FAM186A: variants seen among roughly 807,000 people sequenced by gnomAD.
FAM186A encodes protein FAM186A.
FAM186A carries 163 observed loss-of-function variants against 216.8 expected under a neutral mutation model. The observed-to-expected ratio is 0.75, with a 90% confidence interval of 0.66 to 0.86. The LOEUF is 0.86. Among genes scored for constraint, FAM186A ranks in the 40% least tolerant of loss-of-function variants. FAM186A has a pLI of 0.00. For synonymous variants in FAM186A, 805 were observed against 1,025.3 expected (o/e 0.79, Z 4.10); for missense variants, 2,184 against 2,746.2 (o/e 0.80, Z 4.58).
chr12:50,392,661 C>T lies in FAM186A; in HGVS notation c.192+3632G>A, dbSNP rs566367385. On this transcript the variant is annotated intron_variant, in intron 1 of 7. Transcript: ENST00000327337. ...ATTCCCAGGCTGGAGTGCAATGGCG[C>T]TGTCTTGACTCACTGCAACCTCCGC... is the stretch of plus-strand genomic sequence containing the variant. The T allele has an allele frequency of 8.2e-3, 1,241 of 150,464 alleles. 7 individuals carry two copies. The highest frequency in any genetic ancestry group is 0.012 in the Non-Finnish European group (813 of 67,894). 9.3% of individuals were successfully genotyped at this position (150,464 alleles called of 1,614,324 possible). A position where few individuals can be genotyped will look rare whatever the true frequency, so the allele number is the denominator to read the frequency against.
intron 1 of FAM186A, among the ~76,000 whole-genome samples, chr12:50,364,776 G>A (rs1053479177): frequency 5.9e-5 from 9 of 151,458 alleles, no homozygotes; most frequent in Non-Finnish European, 1.0e-4. Context: ...GGTGGCTCAT[G>A]CCTGTAATCC....
intron 1 of FAM186A, among the ~76,000 whole-genome samples, chr12:50,381,385 A>G (rs1183490977): frequency 6.6e-6 from 1 of 152,070 alleles, no homozygotes; most frequent in Non-Finnish European, 1.5e-5. Flanking sequence ...GAGTGACAGA[A>G]CAGCTCAGAG....
At chr12:50,327,476 C>T (rs188494306) in intron 7 of FAM186A, 72 bp from the exon 8 acceptor site, 2 of 1,159,282 alleles carry the variant, frequency 1.7e-6, no homozygotes, top group Admixed American at 5.2e-5. Flanking sequence ...ATAGGTGAGT[C>T]ATAGGGAAAA....
intron 1 of FAM186A, among the ~76,000 whole-genome samples, chr12:50,389,586 C>G (rs775956945): frequency 6.6e-6 from 1 of 152,134 alleles, no homozygotes; most frequent in African/African-American, 2.4e-5. Context: ...GATAGAAGAC[C>G]GAAGCTGTAT....
chr12:50,385,888 C>T (rs1238522734), intron 1 of FAM186A, among the ~76,000 whole-genome samples: 1 of 148,746 alleles, frequency 6.7e-6, no homozygotes, highest in Non-Finnish European at 1.5e-5. Flanking sequence ...GGCAACAGAG[C>T]GAGACTCCAT....
At position 50,327,384 on chromosome 12, in the gene FAM186A, C is replaced by A; in HGVS notation, c.7055G>T (p.Ter2352LeuextTer2). The A allele has an allele frequency of 6.5e-7, 1 of 1,546,716 alleles. No homozygotes were observed. The highest frequency in any genetic ancestry group is 1.2e-5 in the South Asian group (1 of 83,584). ...LQSRVKKIPK[*>L] is the part of the protein sequence containing the mutation. Reference sequence around the variant, plus strand: ...ACATGCTTGTATTTAATTTTACAGTCATTTGGGAATCTTCTTAACCCTGGA... The same window carrying A: ...ACATGCTTGTATTTAATTTTACAGTAATTTGGGAATCTTCTTAACCCTGGA... The change falls in exon 8 of 8, where the codon TGA becomes TTA. Residue 2352 changes from the stop codon to leucine, a stop_lost. Coordinates refer to ENST00000327337, the MANE Select transcript of FAM186A (RefSeq NM_001145475.3).
chr12:50,380,759 G>C (rs536562690), intron 1 of FAM186A, among the ~76,000 whole-genome samples: 1 of 151,828 alleles, frequency 6.6e-6, no homozygotes, highest in Admixed American at 6.6e-5. Context: ...AGAAACCCCT[G>C]TGGCCAACTT....
chr12:50,330,185 T>C (rs1942642813), intron 7 of FAM186A, among the ~76,000 whole-genome samples: 1 of 152,220 alleles, frequency 6.6e-6, no homozygotes, highest in African/African-American at 2.4e-5. Flanking sequence ...GGTCTAGATA[T>C]GATAATTGCA....
rs1188880509 is a variant in FAM186A at position 50,351,482 on chromosome 12, A to G, written c.5350T>C (p.Ser1784Pro). The change falls in exon 4 of 8, where the codon TCT (serine) becomes CCT (proline). Residue 1784 changes from serine to proline, a missense_variant. This residue lies in a region of FAM186A where 721 missense variants were observed against 816.4 expected (regional missense o/e 0.88). Coordinates refer to ENST00000327337, the MANE Select transcript of FAM186A (RefSeq NM_001145475.3). ...PGKPLEMGIL[S>P]EPGKLGAPQT... ...GGTGCCCCAAGCTTCCCAGGCTCAG[A>G]AAGAATCCCCATTTCTAGGGGCTTC... The G allele has an allele frequency of 2.0e-6, 3 of 1,484,742 alleles. No individual in the cohort carries two copies. The highest frequency in any genetic ancestry group is 2.7e-6 in the Non-Finnish European group (3 of 1,119,978). The allele number at this position is 1,484,742 out of a possible 1,614,324, so 92.0% of individuals were successfully genotyped here.
chr12:50,351,833 G>C lies in FAM186A; in HGVS notation c.4999C>G (p.Gln1667Glu). Reference protein sequence around the residue: ...WVSAVTLTSEQTHALESPMNL... With the variant: ...WVSAVTLTSEETHALESPMNL... ...ATAGGGGACTCCAAAGCGTGGGTTT[G>C]CTCAGAGGTAAGAGTGACAGCTGAC... The change falls in exon 4 of 8, where the codon CAA becomes GAA. Residue 1667 changes from glutamine to glutamate, a missense_variant. Coordinates refer to ENST00000327337, the MANE Select transcript of FAM186A (RefSeq NM_001145475.3). The C allele has an allele frequency of 6.5e-7, 1 of 1,545,184 alleles. No individual in the cohort carries two copies. The highest frequency in any genetic ancestry group is 8.7e-7 in the Non-Finnish European group (1 of 1,143,640).
chr12:50,371,368 C>G, intron 1 of FAM186A, among the ~76,000 whole-genome samples: 1 of 152,070 alleles, frequency 6.6e-6, no homozygotes, highest in Non-Finnish European at 1.5e-5. Flanking sequence ...CCATCTGCCT[C>G]TGCCTCCCAA....
chr12:50,394,600 T>G (rs1362910620), intron 1 of FAM186A, among the ~76,000 whole-genome samples: 1 of 150,996 alleles, frequency 6.6e-6, no homozygotes, highest in Admixed American at 6.6e-5. Context: ...TATCTACCTA[T>G]AGAGAGAGAG....
intron 4 of FAM186A, among the ~76,000 whole-genome samples, chr12:50,343,022 G>A (rs1009657910): frequency 2.6e-5 from 4 of 151,446 alleles, no homozygotes; most frequent in African/African-American, 9.7e-5. Context: ...TGCCGAGGTG[G>A]TAGGATCATT....
intron 6 of FAM186A, 52 bp from the exon 7 acceptor site, chr12:50,330,810 C>T: frequency 7.0e-7 from 1 of 1,430,110 alleles, no homozygotes; most frequent in East Asian, 2.6e-5. Context: ...GCTCCATAGC[C>T]CATCAAAATA....
intron 1 of FAM186A, among the ~76,000 whole-genome samples, chr12:50,385,334 C>T (rs1372366002): frequency 6.7e-6 from 1 of 148,690 alleles, no homozygotes; most frequent in Admixed American, 6.7e-5. Flanking sequence ...AGGAGAATTG[C>T]TTGAACCTGG....
At chr12:50,387,509 T>C (rs1229954237) in intron 1 of FAM186A, among the ~76,000 whole-genome samples, 1 of 152,170 alleles carries the variant, frequency 6.6e-6, no homozygotes, top group African/African-American at 2.4e-5. Context: ...GAGGGAGATC[T>C]TCCCAGAGGA....
chr12:50,330,892 A>G, intron 6 of FAM186A, 134 bp from the exon 7 acceptor site: 2 of 684,836 alleles, frequency 2.9e-6, no homozygotes, highest in Non-Finnish European at 4.4e-6. Flanking sequence ...AGCATTAGCT[A>G]TGCCCACTTT....
chr12:50,352,893 G>A lies in FAM186A; in HGVS notation c.3939C>T (p.Ile1313=). ...LTPKQAQALG[I]PFTPQQAQAL... is the part of the protein sequence containing the mutation. Reference sequence around the variant, plus strand: ...CCTGCGCCTGCTGAGGGGTGAAAGGGATCCCCAGAGCCTGTGCCTGCTTAG... The same window carrying A: ...CCTGCGCCTGCTGAGGGGTGAAAGGAATCCCCAGAGCCTGTGCCTGCTTAG... Residue 1313 remains isoleucine, a synonymous_variant, in exon 4 of 8, where the codon ATC becomes ATT. Coordinates refer to ENST00000327337, the MANE Select transcript of FAM186A (RefSeq NM_001145475.3). The A allele has an allele frequency of 1.3e-6, 2 of 1,534,816 alleles. No homozygotes were observed. Among genetic ancestry groups the A allele is most frequent in the East Asian group, 2.5e-5 (1 of 39,664 alleles).
chr12:50,360,826 G>A lies in FAM186A; in HGVS notation c.513C>T (p.Asn171=). The change falls in exon 3 of 8, where the codon AAC becomes AAT. Residue 171 remains asparagine, a synonymous_variant. Transcript: ENST00000327337. The stretch of plus-strand genomic sequence containing the variant: ...TAAATCTGCTTAGTATCTTGACATT[G>A]TTCTCAATAGCTTTTAACGTGTCCG... ...LLPDTLKAIE[N]NVKILSRFST... 10 of 1,550,486 alleles carry A rather than the reference G, an allele frequency of 6.4e-6. No homozygotes were observed. The highest frequency in any genetic ancestry group is 8.7e-6 in the Non-Finnish European group (10 of 1,146,590).
Sources: allele counts gnomAD v4.1 joint callset (sites outside exome capture counted in the v4.1 genomes callset), GRCh38; gene constraint gnomAD v4.1.1; regional missense constraint gnomAD v4.1.1; transcripts MANE v1.5; gene names NCBI Gene and HGNC (gene_info 2026-07-23, HGNC 2026-07-21).